SLC24A3: variants seen among roughly 807,000 people sequenced by gnomAD.
SLC24A3 encodes solute carrier family 24 member 3, also known as sodium/potassium/calcium exchanger 3.
A neutral mutation model predicts 75.8 loss-of-function variants in SLC24A3; 28 were observed. The ratio of observed to expected loss-of-function variants is 0.37; its 90% CI spans 0.27 to 0.51. SLC24A3 has a LOEUF of 0.51. SLC24A3 is among the 20% of genes least tolerant of loss of function. The probability of loss-of-function intolerance (pLI) is 0.94; values close to 1 mark genes in which losing one functional copy is unlikely to be tolerated. For synonymous variants in SLC24A3, 372 were observed against 334.1 expected (o/e 1.11, Z -1.24); for missense variants, 663 against 847.8 (o/e 0.78, Z 2.71).
intron 6 of SLC24A3, among the ~76,000 whole-genome samples, chr20:19,588,309 T>G (rs1429265406): frequency 6.6e-6 from 1 of 152,212 alleles, no homozygotes; most frequent in South Asian, 2.1e-4. Flanking sequence ...TTTATGTTGA[T>G]CTGCACTTTC....
At position 19,528,726 on chromosome 20, in the gene SLC24A3, T is replaced by C. The variant is rs116450096; in HGVS notation, c.348+13162T>C. Among the ~76,000 whole-genome samples the C allele has an allele frequency of 3.9e-3, 593 of 152,276 alleles. 9 individuals carry two copies. The highest frequency in any genetic ancestry group is 0.013 in the African/African-American group (540 of 41,550). On this transcript the variant is annotated intron_variant, in intron 3 of 16. Coordinates refer to ENST00000328041, the MANE Select transcript of SLC24A3 (RefSeq NM_020689.4). Reference sequence around the variant, plus strand: ...ACCAAGGTAGAAGCCTGAGGATTTATTTTTTCCCCTTATTGAACTTGTTCC... The same window carrying C: ...ACCAAGGTAGAAGCCTGAGGATTTACTTTTTCCCCTTATTGAACTTGTTCC...
chr20:19,232,514 T>A (rs1328451638), intron 1 of SLC24A3, among the ~76,000 whole-genome samples: 1 of 152,238 alleles, frequency 6.6e-6, no homozygotes, highest in Non-Finnish European at 1.5e-5. Flanking sequence ...TATTTATTGT[T>A]GGTTATTTAA....
At chr20:19,688,894 T>C (rs1228071499) in intron 12 of SLC24A3, among the ~76,000 whole-genome samples, 2 of 66,832 alleles carry the variant, frequency 3.0e-5, no homozygotes, top group African/African-American at 1.9e-4. Flanking sequence ...TAATATATTG[T>C]ATGCATGTAT....
At chr20:19,303,213 G>A (rs1013160) in intron 2 of SLC24A3, among the ~76,000 whole-genome samples, 6,577 of 151,976 alleles carry the variant, frequency 0.043, 531 homozygotes, top group East Asian at 0.26. Flanking sequence ...TTTAGTATCC[G>A]TGTGTTCTCA....
intron 3 of SLC24A3, among the ~76,000 whole-genome samples, chr20:19,563,166 A>G (rs2122613000): frequency 6.6e-6 from 1 of 152,348 alleles, no homozygotes; most frequent in South Asian, 2.1e-4. Context: ...CTCTACCTGA[A>G]GGATCTTTTT....
At chr20:19,539,293 G>A (rs1250662123) in intron 3 of SLC24A3, among the ~76,000 whole-genome samples, 1 of 152,172 alleles carries the variant, frequency 6.6e-6, no homozygotes, top group East Asian at 1.9e-4. Flanking sequence ...CCACACTGGA[G>A]CACAGTCTTC....
chr20:19,468,099 G>A (rs1417740464), intron 2 of SLC24A3, among the ~76,000 whole-genome samples: 2 of 152,132 alleles, frequency 1.3e-5, no homozygotes, highest in Non-Finnish European at 2.9e-5. Context: ...AAGTTTTAGA[G>A]TGGAAAATGG....
intron 2 of SLC24A3, among the ~76,000 whole-genome samples, chr20:19,341,281 G>A (rs1029441139): frequency 3.3e-5 from 5 of 152,282 alleles, no homozygotes; most frequent in East Asian, 1.9e-4. Context: ...GACAATCCCC[G>A]GGAAAGCCAT....
intron 9 of SLC24A3, among the ~76,000 whole-genome samples, chr20:19,677,962 C>G (rs962841096): frequency 2.0e-5 from 3 of 151,324 alleles, no homozygotes; most frequent in African/African-American, 7.3e-5. Context: ...TCTTGCACCG[C>G]CCTTAATCCA....
At position 19,654,071 on chromosome 20, in the gene SLC24A3, C is replaced by G; in HGVS notation, c.622C>G (p.Leu208Val). 6.2e-7 allele frequency: 1 copy of G among 1,613,434 alleles called. No homozygotes were observed. The highest frequency in any genetic ancestry group is 8.5e-7 in the Non-Finnish European group (1 of 1,179,448). Residue 208 changes from leucine to valine, a missense_variant, in exon 7 of 17, where the codon CTT becomes GTT. Coordinates refer to ENST00000328041, the MANE Select transcript of SLC24A3 (RefSeq NM_020689.4). ...TTCCCTTGTCCTGCAGGTTGTGGCT[C>G]TTTCCTCCTGGTGCCTGCTGAGGGA... ...CGLFAGQVVA[L>V]SSWCLLRDSI... is the part of the protein sequence containing the mutation.
At chr20:19,381,159 C>G (rs1986174104) in intron 2 of SLC24A3, among the ~76,000 whole-genome samples, 1 of 152,172 alleles carries the variant, frequency 6.6e-6, no homozygotes, top group African/African-American at 2.4e-5. Context: ...AATATTTATT[C>G]ATTTATTCAT....
chr20:19,360,814 A>G (rs1440336176), intron 2 of SLC24A3, among the ~76,000 whole-genome samples: 1 of 149,098 alleles, frequency 6.7e-6, no homozygotes, highest in African/African-American at 2.5e-5. Context: ...CTATTGAAGT[A>G]CTAGCATGCA....
intron 2 of SLC24A3, among the ~76,000 whole-genome samples, chr20:19,429,297 C>T (rs1163609375): frequency 1.3e-5 from 2 of 152,206 alleles, no homozygotes; most frequent in African/African-American, 2.4e-5. Flanking sequence ...TATTTGATCA[C>T]TTCTGGCATG....
At chr20:19,580,843 C>T (rs2031208863) in intron 4 of SLC24A3, among the ~76,000 whole-genome samples, 1 of 152,192 alleles carries the variant, frequency 6.6e-6, no homozygotes, top group South Asian at 2.1e-4. Context: ...GTCGAGAACT[C>T]GGTTTCTTTA....
chr20:19,212,935 C>A lies in SLC24A3; in HGVS notation c.93C>A (p.Ala31=). Residue 31 remains alanine (A), a synonymous_variant, in exon 1 of 17, where the codon GCC becomes GCA. Coordinates refer to ENST00000328041, the MANE Select transcript of SLC24A3 (RefSeq NM_020689.4). ...TGCTGAGCCAGCTCTGCTTCCTGGC[C>A]TCGGTGGCGCTGCTGCTCTGGTCGC... ...DLLLSQLCFL[A]SVALLLWSLS... 7.4e-7 allele frequency: 1 copy of A among 1,348,936 alleles called. No homozygotes were observed. The highest frequency in any genetic ancestry group is 9.5e-7 in the Non-Finnish European group (1 of 1,048,226). 83.6% of individuals were successfully genotyped at this position (1,348,936 alleles called of 1,614,324 possible). A position where few individuals can be genotyped will look rare whatever the true frequency, so the allele number is the denominator to read the frequency against.
At chr20:19,239,217 T>C (rs1024550027) in intron 1 of SLC24A3, among the ~76,000 whole-genome samples, 23 of 152,008 alleles carry the variant, frequency 1.5e-4, no homozygotes, top group Non-Finnish European at 1.5e-4. Flanking sequence ...CCCTCTCTTA[T>C]GCTCCTTGTG....
chr20:19,636,188 G>T (rs906035410), intron 6 of SLC24A3, among the ~76,000 whole-genome samples: 1 of 152,034 alleles, frequency 6.6e-6, no homozygotes, highest in Non-Finnish European at 1.5e-5. Context: ...GCCTTTTATG[G>T]TCTCACCTCA....
chr20:19,698,607 AC>A lies in SLC24A3; in HGVS notation c.1647del (p.Asn549LysfsTer6). The A allele has an allele frequency of 6.3e-7, 1 of 1,595,062 alleles. No individual in the cohort carries two copies. The highest frequency in any genetic ancestry group is 2.3e-5 in the East Asian group (1 of 44,274). On this transcript the variant is annotated frameshift_variant, in exon 15 of 17. Transcript: ENST00000328041. LOFTEE classifies it high-confidence loss of function. ...GCTGTGTCCAACTCCATTGGGAGCA[AC>A]GTGTTTGACATCCTGATTGGCCTCG... ...DMAVSNSIGS[N>X]VFDILIGLGL...
chr20:19,364,423 C>A (rs1220663683), intron 2 of SLC24A3, among the ~76,000 whole-genome samples: 1 of 151,910 alleles, frequency 6.6e-6, no homozygotes, highest in Non-Finnish European at 1.5e-5. Flanking sequence ...AATAAGGTGT[C>A]CACACACGGC....
Sources: gnomAD v4.1 joint callset for allele counts (sites outside exome capture counted in the v4.1 genomes callset) on GRCh38, gnomAD v4.1.1 for gene constraint, MANE v1.5 for transcripts, NCBI Gene and HGNC (gene_info 2026-07-23, HGNC 2026-07-21) for gene names.